UTRN: variants seen among roughly 807,000 people sequenced by gnomAD.
The protein encoded by UTRN is utrophin, also known as dystrophin-related protein 1.
In UTRN, 283 loss-of-function variants were observed where a neutral mutation model predicts 463.9. The observed-to-expected ratio is 0.61, with a 90% CI of 0.55 to 0.67. The LOEUF (loss-of-function observed/expected upper bound fraction) is 0.67, where lower values mean the gene tolerates loss of function less well. UTRN is among the 30% of genes least tolerant of loss of function. The probability of loss-of-function intolerance (pLI) is 0.00; values close to 1 mark genes in which losing one functional copy is unlikely to be tolerated. For synonymous variants in UTRN, 1,442 were observed against 1,431.5 expected, an observed-to-expected ratio of 1.01 and a Z score of -0.17; for missense variants, 3,922 against 4,084.3, an observed-to-expected ratio of 0.96 and a Z score of 1.08.
chr6:144,655,048 C>T (rs1487428409), intron 51 of UTRN, among the ~76,000 whole-genome samples: 1 of 152,128 alleles, frequency 6.6e-6, no homozygotes, highest in African/African-American at 2.4e-5. Flanking sequence ...TTTTATTTCT[C>T]CATGACCACC....
chr6:144,751,192 A>G (rs2128723422), intron 55 of UTRN, among the ~76,000 whole-genome samples: 1 of 152,326 alleles, frequency 6.6e-6, no homozygotes, highest in Non-Finnish European at 1.5e-5. Flanking sequence ...GTTAAAACAG[A>G]ATAAAAAGAA....
At chr6:144,429,008 C>T (rs952508303) in intron 8 of UTRN, 115 bp downstream of exon 8, 1 of 661,026 alleles carries the variant, frequency 1.5e-6, no homozygotes, top group African/African-American at 1.8e-5. Flanking sequence ...GAACCTTTTC[C>T]TTTTTGGAGT....
At chr6:144,577,961 G>A (rs1801600687) in intron 51 of UTRN, among the ~76,000 whole-genome samples, 1 of 152,112 alleles carries the variant, frequency 6.6e-6, no homozygotes, top group Non-Finnish European at 1.5e-5. Context: ...CCAGCACTTT[G>A]GGAGGCCAAG....
At chr6:144,650,793 C>T (rs1248278247) in intron 51 of UTRN, among the ~76,000 whole-genome samples, 1 of 152,066 alleles carries the variant, frequency 6.6e-6, no homozygotes, top group Non-Finnish European at 1.5e-5. Flanking sequence ...CCTGTAATCC[C>T]AGCTACTCAG....
intron 65 of UTRN, among the ~76,000 whole-genome samples, chr6:144,803,657 T>A (rs1164768090): frequency 1.3e-5 from 2 of 151,948 alleles, no homozygotes; most frequent in Non-Finnish European, 2.9e-5. Flanking sequence ...ACAGTGTAAT[T>A]TTTTTTAGTC....
At chr6:144,554,423 G>A (rs1356489551) in intron 48 of UTRN, among the ~76,000 whole-genome samples, 1 of 152,022 alleles carries the variant, frequency 6.6e-6, no homozygotes, top group East Asian at 1.9e-4. Flanking sequence ...GGCAGTATCA[G>A]TTTATAATAG....
At chr6:144,819,781 C>T (rs535334589) in intron 65 of UTRN, among the ~76,000 whole-genome samples, 4 of 152,224 alleles carry the variant, frequency 2.6e-5, no homozygotes, top group East Asian at 3.9e-4. Context: ...AGGGCAGGGA[C>T]AGGGAGCAGG....
chr6:144,448,683 A>T lies in UTRN; in HGVS notation c.1986A>T (p.Ala662=). ...LLETVRVREQ[A]ITKKSKQELP... ...AGACTGTTCGTGTAAGAGAACAAGC[A>T]ATTACAAAAAAATCTAAGCAGGAAC... The change falls in exon 17 of 75, where the codon GCA becomes GCT. Residue 662 remains alanine, a synonymous_variant. Coordinates refer to ENST00000367545, the MANE Select transcript of UTRN (RefSeq NM_007124.3). 1 of 1,614,114 alleles carries T rather than the reference A, an allele frequency of 6.2e-7. No homozygotes were observed. Among genetic ancestry groups the T allele is most frequent in the Non-Finnish European group, 8.5e-7 (1 of 1,179,972 alleles).
intron 39 of UTRN, among the ~76,000 whole-genome samples, chr6:144,520,471 A>G (rs1795990941): frequency 6.6e-6 from 1 of 152,250 alleles, no homozygotes; most frequent in East Asian, 1.9e-4. Context: ...CTTTCTGACT[A>G]AAATTTAAAC....
At chr6:144,468,761 A>G (rs976411725) in intron 23 of UTRN, among the ~76,000 whole-genome samples, 8 of 152,150 alleles carry the variant, frequency 5.3e-5, no homozygotes, top group Non-Finnish European at 4.4e-5. Context: ...GATCTTTGTA[A>G]TCAACCTCTT....
At chr6:144,695,105 A>G (rs1159410523) in intron 52 of UTRN, among the ~76,000 whole-genome samples, 1 of 152,058 alleles carries the variant, frequency 6.6e-6, no homozygotes, top group African/African-American at 2.4e-5. Context: ...GTTTTATAGC[A>G]TAAAATGTCA....
intron 3 of UTRN, among the ~76,000 whole-genome samples, chr6:144,414,878 G>C (rs1487508830): frequency 6.6e-6 from 1 of 152,110 alleles, no homozygotes; most frequent in African/African-American, 2.4e-5. Flanking sequence ...ACCACAACCA[G>C]CTAATTTTTA....
intron 41 of UTRN, among the ~76,000 whole-genome samples, chr6:144,530,780 G>A (rs773340635): frequency 6.6e-6 from 1 of 151,872 alleles, no homozygotes; most frequent in African/African-American, 2.4e-5. Flanking sequence ...GTGTGTATAC[G>A]TGAGTGTGCA....
intron 26 of UTRN, among the ~76,000 whole-genome samples, chr6:144,481,273 G>C (rs1791828912): frequency 2.0e-5 from 3 of 152,248 alleles, no homozygotes; most frequent in South Asian, 4.1e-4. Flanking sequence ...TGTTTTATTT[G>C]TATTTATTGC....
chr6:144,434,035 C>T (rs1786258937), intron 9 of UTRN, among the ~76,000 whole-genome samples: 1 of 152,234 alleles, frequency 6.6e-6, no homozygotes, highest in African/African-American at 2.4e-5. Flanking sequence ...CACGCCACTG[C>T]ACTCCAGCCT....
intron 65 of UTRN, among the ~76,000 whole-genome samples, chr6:144,820,190 T>C (rs1779477261): frequency 6.6e-6 from 1 of 152,070 alleles, no homozygotes; most frequent in South Asian, 2.1e-4. Context: ...ATAGTGTTAG[T>C]CCATATCACC....
rs1388030603 is a variant in UTRN at position 144,809,917 on chromosome 6, T to G, written c.9357+6770T>G. 3.3e-5 allele frequency among the ~76,000 whole-genome samples: 5 copies of G among 152,232 alleles called. No homozygotes were observed. In the East Asian group the frequency reaches 9.7e-4, roughly 29 times the overall value. On this transcript the variant is annotated intron_variant, in intron 65 of 74. Transcript: ENST00000367545. ...GATTAACAAGAGAAAAGCATACGAA[T>G]TGATTTAATATAAATTTTACATTAT...
rs1402815648 is a variant in UTRN, at chr6:144,635,514, C to CTTTTTTTTTTTT, written c.7480-42888_7480-42877dup. 9.6e-4 allele frequency among the ~76,000 whole-genome samples: 77 copies of CTTTTTTTTTTTT among 80,008 alleles called. 1 individual carries two copies. The highest frequency in any genetic ancestry group is 1.3e-3 in the Non-Finnish European group (59 of 45,100). 52.5% of individuals were successfully genotyped at this position (80,008 alleles called of 152,430 possible). A position where few individuals can be genotyped will look rare whatever the true frequency, so the allele number is the denominator to read the frequency against. On this transcript the variant is annotated intron_variant, in intron 51 of 74. Coordinates refer to ENST00000367545, the MANE Select transcript of UTRN (RefSeq NM_007124.3). ...TACTTAGCAGCTAGCCTTTTTTTTT[C>CTTTTTTTTTTTT]TTTTTTTTTTTTTTTCTTTTCTTTT...
chr6:144,781,505 A>G (rs1358656484), intron 60 of UTRN, among the ~76,000 whole-genome samples: 2 of 152,188 alleles, frequency 1.3e-5, no homozygotes, highest in Non-Finnish European at 2.9e-5. Context: ...GAATGAAGAG[A>G]GCAGTGCACA....
Sources: allele counts gnomAD v4.1 joint callset (sites outside exome capture counted in the v4.1 genomes callset), GRCh38; gene constraint gnomAD v4.1.1; transcripts MANE v1.5; gene names NCBI Gene and HGNC (gene_info 2026-07-23, HGNC 2026-07-21).